The following CDH1 variants were observed in gnomAD, a reference collection of about 807,000 sequenced individuals.
CDH1 encodes the protein cadherin-1.
Under a neutral mutation model 84.5 loss-of-function variants are expected in CDH1, and 35 were observed. The observed-to-expected ratio is 0.41, with a 90% CI of 0.32 to 0.55. CDH1 has a LOEUF of 0.55. Among genes scored for constraint, CDH1 ranks in the 20% least tolerant of loss-of-function variants. The probability of loss-of-function intolerance (pLI) is 0.19; values close to 1 mark genes in which losing one functional copy is unlikely to be tolerated. For missense variants in CDH1, 994 were observed against 1,126.6 expected, an observed-to-expected ratio of 0.88 and a Z score of 1.68; for synonymous variants, 417 against 439.0, an observed-to-expected ratio of 0.95 and a Z score of 0.63.
chr16:68,761,455 T>C (rs1456897795), intron 2 of CDH1, among the ~76,000 whole-genome samples: 1 of 152,220 alleles, frequency 6.6e-6, no homozygotes, highest in Non-Finnish European at 1.5e-5. Flanking sequence ...TCAGTAATGA[T>C]GGAGGGGCTG....
chr16:68,772,116 T>G (rs1439019035), intron 2 of CDH1, among the ~76,000 whole-genome samples: 1 of 152,214 alleles, frequency 6.6e-6, no homozygotes, highest in Non-Finnish European at 1.5e-5. Flanking sequence ...AACCACTTAA[T>G]GCTACACTGG....
chr16:68,759,635 G>A (rs1015781047), intron 2 of CDH1, among the ~76,000 whole-genome samples: 28 of 151,840 alleles, frequency 1.8e-4, no homozygotes, highest in African/African-American at 2.7e-4. Flanking sequence ...GATTACAGGC[G>A]CGTACCACCA....
At chr16:68,765,336 T>G (rs1364039874) in intron 2 of CDH1, 1 of 152,198 alleles carries the variant, frequency 6.6e-6, no homozygotes, top group South Asian at 2.1e-4. Flanking sequence ...TACAGGCAAC[T>G]GCCACCACAC....
At chr16:68,777,880 C>T (rs1406233605) in intron 2 of CDH1, among the ~76,000 whole-genome samples, 3 of 151,180 alleles carry the variant, frequency 2.0e-5, no homozygotes, top group Admixed American at 1.3e-4. Flanking sequence ...TACAGGCGCA[C>T]ACCACCACGC....
chr16:68,779,193 T>C (rs1367771048), intron 2 of CDH1, among the ~76,000 whole-genome samples: 1 of 152,192 alleles, frequency 6.6e-6, no homozygotes, highest in Non-Finnish European at 1.5e-5. Context: ...CCACCTGCAG[T>C]GCGGGCTTGA....
chr16:68,757,549 G>A (rs564826418), intron 2 of CDH1, among the ~76,000 whole-genome samples: 1 of 152,256 alleles, frequency 6.6e-6, no homozygotes, highest in South Asian at 2.1e-4. Context: ...TTACTTGCCA[G>A]ATGTGAGGTT....
chr16:68,779,564 C>T (rs1959819357), intron 2 of CDH1, among the ~76,000 whole-genome samples: 1 of 152,048 alleles, frequency 6.6e-6, no homozygotes, highest in Admixed American at 6.6e-5. Context: ...GGGTCAGTAA[C>T]TGAGGGGTTG....
Position 68,834,909 on chromosome 16 carries a change from TG to T in CDH1, c.*1411del. ...TGAGCCTGGCAATTTAGCAAACTGA[TG>T]CTGAGGATGATTGAGGTGGGTCTAC... On this transcript the variant is annotated 3_prime_UTR_variant, in exon 16 of 16. Transcript: ENST00000261769. 1 of 232,540 alleles carries T rather than the reference TG, an allele frequency of 4.3e-6. No homozygotes were observed. Among genetic ancestry groups the T allele is most frequent in the Non-Finnish European group, 8.5e-6 (1 of 117,300 alleles). 14.4% of individuals were successfully genotyped at this position (232,540 alleles called of 1,614,324 possible).
intron 2 of CDH1, among the ~76,000 whole-genome samples, chr16:68,746,611 C>G (rs1386675008): frequency 1.3e-5 from 2 of 152,126 alleles, no homozygotes; most frequent in Non-Finnish European, 2.9e-5. Flanking sequence ...TAGGCTGGTG[C>G]TTCTGCCATG....
At chr16:68,789,191 A>T (rs1960145872) in intron 2 of CDH1, among the ~76,000 whole-genome samples, 1 of 151,008 alleles carries the variant, frequency 6.6e-6, no homozygotes, top group South Asian at 2.1e-4. Flanking sequence ...TGCCCAGCTA[A>T]TTTTTTTTTG....
At chr16:68,774,032 C>T (rs1567488907) in intron 2 of CDH1, among the ~76,000 whole-genome samples, 1 of 152,242 alleles carries the variant, frequency 6.6e-6, no homozygotes, top group Non-Finnish European at 1.5e-5. Flanking sequence ...CTTCCCACCT[C>T]AGCCTCCCAA....
intron 2 of CDH1, among the ~76,000 whole-genome samples, chr16:68,744,275 TTCCC>T (rs2152116002): frequency 6.6e-6 from 1 of 152,302 alleles, no homozygotes; most frequent in East Asian, 1.9e-4. Flanking sequence ...TGTTCATAGC[TTCCC>T]TCTGAACAGC....
intron 8 of CDH1, among the ~76,000 whole-genome samples, chr16:68,813,030 TCTC>T (rs1960882243): frequency 6.6e-6 from 1 of 151,950 alleles, no homozygotes; most frequent in Admixed American, 6.6e-5. Context: ...TTGCCTGGCC[TCTC>T]CTTGTCACAT....
At chr16:68,761,420 A>G (rs1435314450) in intron 2 of CDH1, among the ~76,000 whole-genome samples, 1 of 152,152 alleles carries the variant, frequency 6.6e-6, no homozygotes, top group African/African-American at 2.4e-5. Flanking sequence ...CTACCCATCC[A>G]TGTGTCTATC....
intron 2 of CDH1, among the ~76,000 whole-genome samples, chr16:68,764,891 G>T (rs76233569): frequency 3.5e-3 from 537 of 152,270 alleles, no homozygotes; most frequent in African/African-American, 0.012. Context: ...GTGCGGTGAC[G>T]GTAGACTGGA....
intron 1 of CDH1, 151 bp from the exon 2 acceptor site, chr16:68,738,146 G>C: frequency 5.0e-6 from 3 of 602,092 alleles, no homozygotes. Context: ...GGGGGAGGGT[G>C]ACGTCGCTGC....
At position 68,833,639 on chromosome 16, in the gene CDH1, C is replaced by G. The variant is rs1961555450; in HGVS notation, c.*140C>G. On this transcript the variant is annotated 3_prime_UTR_variant, in exon 16 of 16. Transcript: ENST00000261769. ...CTGGTTAGTGATGCAGTTAGTATAG[C>G]TTTATACTCTCTCCACTTTATAGCT... The G allele has an allele frequency of 4.3e-6, 3 of 696,710 alleles. No individual in the cohort carries two copies. The East Asian group carries it at 8.0e-5, about 19-fold the overall frequency. The allele number at this position is 696,710 out of a possible 1,614,324, so 43.2% of individuals were successfully genotyped here.
intron 2 of CDH1, among the ~76,000 whole-genome samples, chr16:68,757,158 A>G (rs1415424234): frequency 2.0e-5 from 3 of 151,942 alleles, no homozygotes; most frequent in Admixed American, 2.0e-4. Flanking sequence ...TTGGAGTCTC[A>G]GCTCACTGCA....
At chr16:68,760,471 A>C (rs934104167) in intron 2 of CDH1, among the ~76,000 whole-genome samples, 1 of 151,912 alleles carries the variant, frequency 6.6e-6, no homozygotes, top group Non-Finnish European at 1.5e-5. Flanking sequence ...TTGTCTTGTA[A>C]AGTATAACCG....
Sources: allele counts gnomAD v4.1 joint callset (sites outside exome capture counted in the v4.1 genomes callset), GRCh38; gene constraint gnomAD v4.1.1; transcripts MANE v1.5; gene names NCBI Gene and HGNC (gene_info 2026-07-23, HGNC 2026-07-21).